CACNB2: variants seen among roughly 807,000 people sequenced by gnomAD.
The protein encoded by CACNB2 is voltage-dependent L-type calcium channel subunit beta-2.
A neutral mutation model predicts 73.3 loss-of-function variants in CACNB2; 42 were observed. The ratio of observed to expected loss-of-function variants is 0.57; its 90% CI spans 0.45 to 0.74. CACNB2 has a LOEUF of 0.74. Ranked by LOEUF, CACNB2 falls within the 30% of genes least tolerant of loss-of-function variation. CACNB2 has a pLI of 0.00. For missense variants in CACNB2, 940 were observed against 853.0 expected (o/e 1.10, Z -1.27); for synonymous variants, 348 against 310.3 (o/e 1.12, Z -1.28).
chr10:18,420,604 T>C (rs940380400), intron 3 of CACNB2, among the ~76,000 whole-genome samples: 1 of 152,164 alleles, frequency 6.6e-6, no homozygotes, highest in Non-Finnish European at 1.5e-5. Flanking sequence ...CTCATCCACA[T>C]TGGAGAAGGC....
intron 3 of CACNB2, among the ~76,000 whole-genome samples, chr10:18,411,844 A>G (rs923402337): frequency 2.0e-5 from 3 of 152,180 alleles, no homozygotes; most frequent in Non-Finnish European, 4.4e-5. Flanking sequence ...AGCAGTCATG[A>G]CCTTACAATA....
At chr10:18,407,107 G>GTGTTTTTTT (rs1293331753) in intron 3 of CACNB2, among the ~76,000 whole-genome samples, 1 of 49,564 alleles carries the variant, frequency 2.0e-5, no homozygotes, top group Non-Finnish European at 4.1e-5. Flanking sequence ...CTGCTGTTCT[G>GTGTTTTTTT]TCTTTTTTTT....
intron 2 of CACNB2, among the ~76,000 whole-genome samples, chr10:18,246,179 T>C (rs1478197732): frequency 6.6e-6 from 1 of 152,208 alleles, no homozygotes; most frequent in Non-Finnish European, 1.5e-5. Context: ...TTCCCCTGGC[T>C]CTGAGAGCTT....
rs1241744661 is a variant in CACNB2 at position 18,499,613 on chromosome 10, CAAAGAAAAA to C, written c.456+1140_456+1148del. 6.7e-3 allele frequency among the ~76,000 whole-genome samples: 143 copies of C among 21,402 alleles called. 5 individuals are homozygous for C. The highest frequency in any genetic ancestry group is 3.8e-3 in the Admixed American group (6 of 1,592). 14.0% of individuals were successfully genotyped at this position (21,402 alleles called of 152,430 possible). A position where few individuals can be genotyped will look rare whatever the true frequency, so the allele number is the denominator to read the frequency against. On this transcript the variant is annotated intron_variant, in intron 4 of 13. Transcript: ENST00000324631. ...CTGGCGACAGAGTGAGATTCTGTCT[CAAAGAAAAA>C]AAAAAAAAAAAAAAAAAGAACCTAG...
chr10:18,309,367 C>T (rs1236436522), intron 2 of CACNB2, among the ~76,000 whole-genome samples: 1 of 152,202 alleles, frequency 6.6e-6, no homozygotes, highest in Non-Finnish European at 1.5e-5. Flanking sequence ...TAGAGGTACA[C>T]ATCACATGAG....
chr10:18,371,446 G>C (rs990353244), intron 2 of CACNB2, among the ~76,000 whole-genome samples: 7 of 152,130 alleles, frequency 4.6e-5, no homozygotes, highest in African/African-American at 1.7e-4. Flanking sequence ...CTATGAGTGA[G>C]AACATGTGGT....
intron 2 of CACNB2, among the ~76,000 whole-genome samples, chr10:18,288,502 T>C (rs974098956): frequency 6.6e-6 from 1 of 152,210 alleles, no homozygotes; most frequent in Admixed American, 6.5e-5. Flanking sequence ...CTTTGAGTAG[T>C]ATTGCAGAAA....
chr10:18,345,635 G>A (rs1395465386), intron 2 of CACNB2, among the ~76,000 whole-genome samples: 1 of 152,126 alleles, frequency 6.6e-6, no homozygotes, highest in Admixed American at 6.6e-5. Flanking sequence ...AGAATTAACT[G>A]TGGAATAGTT....
intron 2 of CACNB2, among the ~76,000 whole-genome samples, chr10:18,152,285 C>A (rs553578156): frequency 6.6e-6 from 1 of 152,278 alleles, no homozygotes; most frequent in African/African-American, 2.4e-5. Context: ...TGGAAAAAAA[C>A]TGGTCCTGGT....
In CACNB2 at chr10:18,539,770, ATAAC is replaced by A. The variant is rs751330937; in HGVS notation, c.*51_*54del. On this transcript the variant is annotated 3_prime_UTR_variant, in exon 14 of 14. Transcript: ENST00000324631. Reference sequence around the variant, plus strand: ...TTTTTTTTTTTTTTTGAAGTCTTGTATAACTAACAGCATCCCCAAAACAAAGTCT... The same window carrying A: ...TTTTTTTTTTTTTTTGAAGTCTTGTATAACAGCATCCCCAAAACAAAGTCT... 1.0e-5 allele frequency: 16 copies of A among 1,532,710 alleles called. No individual in the cohort carries two copies. Among genetic ancestry groups the A allele is most frequent in the African/African-American group, 8.1e-5 (5 of 61,440 alleles). The allele number at this position is 1,532,710 out of a possible 1,614,324, so 94.9% of individuals were successfully genotyped here.
rs529334110 is a variant in CACNB2, at chr10:18,457,348, C to G, written c.334-41007C>G. On this transcript the variant is annotated intron_variant, in intron 3 of 13. Transcript: ENST00000324631. ...CACAGTATCCTCCTGCCTTAGCCTCCCAAAGTGCTGGAATTACAGGCATGA... is the reference window on the plus strand; with the variant it reads ...CACAGTATCCTCCTGCCTTAGCCTCGCAAAGTGCTGGAATTACAGGCATGA... Among the ~76,000 whole-genome samples the G allele has an allele frequency of 6.6e-5, 10 of 152,096 alleles. No individual in the cohort carries two copies. The East Asian group carries it at 1.9e-3, about 30-fold the overall frequency.
At chr10:18,169,246 C>T (rs2033072320) in intron 2 of CACNB2, among the ~76,000 whole-genome samples, 1 of 151,990 alleles carries the variant, frequency 6.6e-6, no homozygotes, top group Admixed American at 6.6e-5. Flanking sequence ...AATGGTATAG[C>T]TGTGGTTTGG....
At chr10:18,326,067 C>T (rs562977101) in intron 2 of CACNB2, among the ~76,000 whole-genome samples, 73 of 152,184 alleles carry the variant, frequency 4.8e-4, no homozygotes, top group African/African-American at 1.6e-3. Flanking sequence ...TTGATTCCTA[C>T]GGTGTTAGTC....
At chr10:18,508,224 A>G (rs1434455379) in intron 6 of CACNB2, among the ~76,000 whole-genome samples, 1 of 152,260 alleles carries the variant, frequency 6.6e-6, no homozygotes, top group African/African-American at 2.4e-5. Flanking sequence ...GAAGCAAATT[A>G]ATTTCAAAAA....
chr10:18,407,914 T>C (rs2044383766), intron 3 of CACNB2, among the ~76,000 whole-genome samples: 1 of 152,204 alleles, frequency 6.6e-6, no homozygotes, highest in Non-Finnish European at 1.5e-5. Context: ...CACTGTTTAT[T>C]AAGCTTCTTT....
chr10:18,541,527 TA>T lies in CACNB2; in HGVS notation c.*1804del, dbSNP rs2054067152. ...AGTTTGTCCCAGGAAAATGCCTGTG[TA>T]TAATTACCTAACTTCAGATCTGCAC... On this transcript the variant is annotated 3_prime_UTR_variant, in exon 14 of 14. Transcript: ENST00000324631. The T allele has an allele frequency of 6.6e-6, 1 of 152,202 alleles. No individual in the cohort carries two copies. Among genetic ancestry groups the T allele is most frequent in the South Asian group, 2.1e-4 (1 of 4,828 alleles). 9.4% of individuals were successfully genotyped at this position (152,202 alleles called of 1,614,324 possible). A position where few individuals can be genotyped will look rare whatever the true frequency, so the allele number is the denominator to read the frequency against.
At chr10:18,387,177 G>C (rs2043271699) in intron 2 of CACNB2, among the ~76,000 whole-genome samples, 1 of 152,122 alleles carries the variant, frequency 6.6e-6, no homozygotes, top group Admixed American at 6.5e-5. Context: ...GCCTCGGAAT[G>C]TTGTTCCCTT....
At chr10:18,451,302 C>T (rs1270492240) in intron 3 of CACNB2, among the ~76,000 whole-genome samples, 2 of 152,178 alleles carry the variant, frequency 1.3e-5, no homozygotes, top group African/African-American at 4.8e-5. Context: ...TACCCAGCTG[C>T]AATTTTAAGA....
rs190798385 is a variant in CACNB2, at chr10:18,442,925, T to C, written c.333+40882T>C. Among the ~76,000 whole-genome samples the C allele has an allele frequency of 2.4e-3, 194 of 81,094 alleles. 8 individuals are homozygous for C. The highest frequency in any genetic ancestry group is 3.1e-3 in the Non-Finnish European group (149 of 48,126). The allele number at this position is 81,094 out of a possible 152,430, so 53.2% of individuals were successfully genotyped here. On this transcript the variant is annotated intron_variant, in intron 3 of 13. Transcript: ENST00000324631. ...TGTAAAAACAATATATATATATATATGTATATATATATATATGTGTATATA... is the reference window on the plus strand; with the variant it reads ...TGTAAAAACAATATATATATATATACGTATATATATATATATGTGTATATA...
Sources: allele counts gnomAD v4.1 joint callset (sites outside exome capture counted in the v4.1 genomes callset), GRCh38; gene constraint gnomAD v4.1.1; transcripts MANE v1.5; gene names NCBI Gene and HGNC (gene_info 2026-07-23, HGNC 2026-07-21).